The following DPYD variants were observed in gnomAD, a reference collection of about 807,000 sequenced individuals.
The protein encoded by DPYD is dihydropyrimidine dehydrogenase [NADP(+)].
In DPYD, 109 loss-of-function variants were observed where a neutral mutation model predicts 116.2. The ratio of observed to expected loss-of-function variants is 0.94; its 90% CI spans 0.80 to 1.10. The LOEUF (loss-of-function observed/expected upper bound fraction) is 1.10, where lower values mean the gene tolerates loss of function less well. Among genes scored for constraint, DPYD ranks in the 50% least tolerant of loss-of-function variants. The pLI is 0.00. For synonymous variants in DPYD, 440 were observed against 432.0 expected (o/e 1.02, Z -0.23); for missense variants, 1,302 against 1,254.5 (o/e 1.04, Z -0.57).
chr1:97,565,876 T>A (rs560578932), intron 11 of DPYD, among the ~76,000 whole-genome samples: 1 of 152,250 alleles, frequency 6.6e-6, no homozygotes, highest in South Asian at 2.1e-4. Context: ...TATTTAGAAA[T>A]ACAAATGAAA....
chr1:97,596,780 A>T (rs968867697), intron 8 of DPYD, among the ~76,000 whole-genome samples: 19 of 152,208 alleles, frequency 1.2e-4, no homozygotes, highest in African/African-American at 4.1e-4. Context: ...GTCTCTTCAG[A>T]TTAAACCAAA....
At chr1:97,410,897 A>G (rs564429572) in intron 14 of DPYD, among the ~76,000 whole-genome samples, 6 of 152,202 alleles carry the variant, frequency 3.9e-5, no homozygotes, top group South Asian at 2.1e-4. Flanking sequence ...AAAAGTTCCT[A>G]GAACTGTGAG....
At chr1:97,330,047 T>C (rs557756968) in intron 16 of DPYD, among the ~76,000 whole-genome samples, 1 of 152,110 alleles carries the variant, frequency 6.6e-6, no homozygotes, top group South Asian at 2.1e-4. Context: ...TATGTATATA[T>C]GTATATAATC....
intron 19 of DPYD, among the ~76,000 whole-genome samples, chr1:97,223,806 T>A (rs1480323817): frequency 6.6e-6 from 1 of 151,996 alleles, no homozygotes; most frequent in African/African-American, 2.4e-5. Context: ...AATCAAAACT[T>A]AAAAAAGCCA....
intron 14 of DPYD, among the ~76,000 whole-genome samples, chr1:97,395,749 GTGA>G: frequency 6.6e-6 from 1 of 152,154 alleles, no homozygotes; most frequent in East Asian, 1.9e-4. Flanking sequence ...CATGGTAGAG[GTGA>G]TGATGTACCA....
intron 19 of DPYD, among the ~76,000 whole-genome samples, chr1:97,234,291 T>C (rs1049049301): frequency 1.3e-5 from 2 of 152,166 alleles, no homozygotes; most frequent in Admixed American, 1.3e-4. Flanking sequence ...ATTTTAGGGG[T>C]ATTATTAAGA....
chr1:97,522,519 G>A (rs1332455820), intron 12 of DPYD, among the ~76,000 whole-genome samples: 2 of 151,940 alleles, frequency 1.3e-5, no homozygotes, highest in African/African-American at 4.8e-5. Context: ...TCAGTAGATC[G>A]AGACCATCCT....
chr1:97,151,261 C>T (rs898803808), intron 20 of DPYD, among the ~76,000 whole-genome samples: 2 of 152,136 alleles, frequency 1.3e-5, no homozygotes, highest in South Asian at 2.1e-4. Context: ...CAGATATAAT[C>T]GTACATATAT....
At chr1:97,247,774 T>C (rs59668387) in intron 18 of DPYD, among the ~76,000 whole-genome samples, 1,607 of 152,220 alleles carry the variant, frequency 0.011, 25 homozygotes, top group African/African-American at 0.036. Flanking sequence ...ACAAATTCCA[T>C]GCAAAACACA....
At chr1:97,566,494 C>A (rs1160086024) in intron 11 of DPYD, among the ~76,000 whole-genome samples, 3 of 152,092 alleles carry the variant, frequency 2.0e-5, no homozygotes. Flanking sequence ...GTCATTCATT[C>A]TTACTTATAT....
At chr1:97,878,010 A>G (rs917547952) in intron 2 of DPYD, among the ~76,000 whole-genome samples, 3 of 152,020 alleles carry the variant, frequency 2.0e-5, no homozygotes, top group African/African-American at 7.2e-5. Context: ...TATTTGGAAC[A>G]TAAGAAATAT....
At chr1:97,766,102 G>A (rs757118080) in intron 3 of DPYD, among the ~76,000 whole-genome samples, 5 of 152,038 alleles carry the variant, frequency 3.3e-5, no homozygotes, top group Non-Finnish European at 7.4e-5. Flanking sequence ...TTAGCCATGC[G>A]TGGTGACACA....
chr1:97,788,890 G>A (rs1314907336), intron 3 of DPYD, among the ~76,000 whole-genome samples: 1 of 151,928 alleles, frequency 6.6e-6, no homozygotes, highest in Non-Finnish European at 1.5e-5. Context: ...TGCAACCTCC[G>A]CCTCCCAGGT....
intron 3 of DPYD, among the ~76,000 whole-genome samples, chr1:97,795,435 G>T (rs1390493037): frequency 6.6e-6 from 1 of 151,948 alleles, no homozygotes; most frequent in East Asian, 1.9e-4. Flanking sequence ...TTTAGTAACT[G>T]ATACTAACTG....
chr1:97,310,597 T>G (rs1667451472), intron 16 of DPYD, among the ~76,000 whole-genome samples: 1 of 151,834 alleles, frequency 6.6e-6, no homozygotes, highest in South Asian at 2.1e-4. Context: ...GAGATGTTTT[T>G]ATTAACTATT....
chr1:97,328,712 A>G (rs1452109023), intron 16 of DPYD, among the ~76,000 whole-genome samples: 1 of 152,186 alleles, frequency 6.6e-6, no homozygotes, highest in African/African-American at 2.4e-5. Context: ...ACTATATCCT[A>G]CTAGAAAAGG....
chr1:97,684,112 T>C (rs1660578517), intron 7 of DPYD, among the ~76,000 whole-genome samples: 1 of 152,166 alleles, frequency 6.6e-6, no homozygotes, highest in African/African-American at 2.4e-5. Context: ...GTCTAGTTCT[T>C]TTAGTTGTTA....
intron 10 of DPYD, among the ~76,000 whole-genome samples, chr1:97,581,745 C>CAAAAAAA (rs1226325704): frequency 9.4e-5 from 6 of 63,538 alleles, no homozygotes; most frequent in African/African-American, 2.9e-4. Flanking sequence ...GATCCTGTCT[C>CAAAAAAA]AAAAAAAAAA....
At chr1:97,228,893 A>G (rs1661379559) in intron 19 of DPYD, among the ~76,000 whole-genome samples, 2 of 151,990 alleles carry the variant, frequency 1.3e-5, no homozygotes, top group African/African-American at 4.8e-5. Context: ...ATTCGAACTA[A>G]CTGCAAGAAA....
Sources: gnomAD v4.1 joint callset for allele counts (sites outside exome capture counted in the v4.1 genomes callset) on GRCh38, gnomAD v4.1.1 for gene constraint, MANE v1.5 for transcripts, NCBI Gene and HGNC (gene_info 2026-07-23, HGNC 2026-07-21) for gene names.